CPXM2: variants seen among roughly 807,000 people sequenced by gnomAD.
CPXM2 encodes the protein inactive carboxypeptidase-like protein X2.
In CPXM2, 66 loss-of-function variants were observed where a neutral mutation model predicts 86.1. The observed-to-expected ratio is 0.77, with a 90% CI of 0.63 to 0.94. CPXM2 has a LOEUF of 0.94. Ranked by LOEUF, CPXM2 falls within the 40% of genes least tolerant of loss-of-function variation. The pLI is 0.00. For missense variants in CPXM2, 948 were observed against 1,026.3 expected (o/e 0.92, Z 1.04); for synonymous variants, 388 against 400.2 (o/e 0.97, Z 0.36).
At chr10:123,823,546 A>G (rs1020130944) in intron 4 of CPXM2, among the ~76,000 whole-genome samples, 1 of 152,216 alleles carries the variant, frequency 6.6e-6, no homozygotes, top group African/African-American at 2.4e-5. Flanking sequence ...CCTGGCTTGT[A>G]AACAACAATT....
intron 2 of CPXM2, among the ~76,000 whole-genome samples, chr10:123,918,443 GAA>G (rs1175286076): frequency 1.3e-5 from 2 of 152,136 alleles, no homozygotes; most frequent in Non-Finnish European, 2.9e-5. Context: ...ACAGAGTAGG[GAA>G]AGAAATAAAA....
chr10:123,857,211 A>C (rs914106353), intron 3 of CPXM2, among the ~76,000 whole-genome samples: 1 of 152,126 alleles, frequency 6.6e-6, no homozygotes, highest in Non-Finnish European at 1.5e-5. Flanking sequence ...AGTTAACAAA[A>C]GTAAAATTCT....
intron 2 of CPXM2, among the ~76,000 whole-genome samples, chr10:123,906,057 C>T (rs1159569368): frequency 2.6e-5 from 4 of 152,188 alleles, no homozygotes; most frequent in African/African-American, 9.6e-5. Context: ...TGGCCCGCAC[C>T]TTTGCTCTCA....
Position 123,865,937 on chromosome 10 carries a change from C to A in CPXM2, c.404-3214G>T, listed in dbSNP as rs1370895869. 1.3e-5 allele frequency among the ~76,000 whole-genome samples: 2 copies of A among 152,038 alleles called. No homozygotes were observed. The highest frequency in any genetic ancestry group is 3.9e-4 in the East Asian group (2 of 5,188). ...TTTGTGGCCCTTTGGGACTCCTCAG[C>A]CTCTTCTCCGTTTTTCTGTACTGGG... On this transcript the variant is annotated intron_variant, in intron 2 of 13. Transcript: ENST00000241305. The surrounding 1 kb of genome is among the most constrained non-coding windows in gnomAD (Gnocchi z 4.7).
chr10:123,808,843 A>G (rs1225764641), intron 4 of CPXM2, among the ~76,000 whole-genome samples: 1 of 152,172 alleles, frequency 6.6e-6, no homozygotes, highest in Non-Finnish European at 1.5e-5. Flanking sequence ...TCCTTTAGCA[A>G]AGATTTATAT....
intron 11 of CPXM2, among the ~76,000 whole-genome samples, chr10:123,761,634 C>A (rs1420276646): frequency 1.3e-5 from 2 of 152,180 alleles, no homozygotes; most frequent in African/African-American, 4.8e-5. Flanking sequence ...TGGAGCAGAT[C>A]CCTTTGGGTC....
Position 123,880,229 on chromosome 10 carries a change from G to C in CPXM2, c.385C>G (p.Arg129Gly). The change falls in exon 2 of 14, where the codon CGT becomes GGT. Residue 129 changes from arginine to glycine, a missense_variant. By Grantham distance (125) the Arg-to-Gly change is moderately radical. Coordinates refer to ENST00000241305, the MANE Select transcript of CPXM2 (RefSeq NM_198148.3). ...ANDDHSVRVA[R>G]EDVRESCPPL... is the part of the protein sequence containing the mutation. Reference sequence around the variant, plus strand: ...CACTTACTCTCTCTGACATCTTCACGGGCCACACGGACACTGTGATCATCG... The same window carrying C: ...CACTTACTCTCTCTGACATCTTCACCGGCCACACGGACACTGTGATCATCG... 1 of 1,464,462 alleles carries C rather than the reference G, an allele frequency of 6.8e-7. No homozygotes were observed. The highest frequency in any genetic ancestry group is 1.1e-5 in the South Asian group (1 of 88,800). The allele number at this position is 1,464,462 out of a possible 1,614,324, so 90.7% of individuals were successfully genotyped here. A position where few individuals can be genotyped will look rare whatever the true frequency, so the allele number is the denominator to read the frequency against.
In CPXM2 at chr10:123,761,790, A is replaced by G. The variant is rs552055898; in HGVS notation, c.1777+82T>C. 3.6e-4 allele frequency: 492 copies of G among 1,373,830 alleles called. 3 individuals carry two copies. The African/African-American group carries it at 6.0e-3, about 17-fold the overall frequency. 85.1% of individuals were successfully genotyped at this position (1,373,830 alleles called of 1,614,324 possible). A position where few individuals can be genotyped will look rare whatever the true frequency, so the allele number is the denominator to read the frequency against. On this transcript the variant is annotated intron_variant, in intron 11 of 13. Transcript: ENST00000241305. Reference sequence around the variant, plus strand: ...CACCACTTAGTGACAACAGGACAGTAGTGACACCAGGAGGGCCAGGAGGAG... The same window carrying G: ...CACCACTTAGTGACAACAGGACAGTGGTGACACCAGGAGGGCCAGGAGGAG...
intron 4 of CPXM2, among the ~76,000 whole-genome samples, chr10:123,807,627 C>CA (rs1847608331): frequency 6.6e-6 from 1 of 152,094 alleles, no homozygotes; most frequent in South Asian, 2.1e-4. Flanking sequence ...ACAAGTACAG[C>CA]AAGTCGTGGG....
intron 4 of CPXM2, among the ~76,000 whole-genome samples, chr10:123,809,412 T>C (rs1194286708): frequency 6.6e-6 from 1 of 152,168 alleles, no homozygotes; most frequent in African/African-American, 2.4e-5. Flanking sequence ...GGTTTTGCTG[T>C]TGCACCTCAA....
At chr10:123,904,924 T>TGTG (rs1554891390) in intron 2 of CPXM2, among the ~76,000 whole-genome samples, 5 of 130,290 alleles carry the variant, frequency 3.8e-5, no homozygotes, top group Non-Finnish European at 4.7e-5. Flanking sequence ...ACCTGCATCC[T>TGTG]AGTGAGGGAT....
chr10:123,863,430 G>A (rs541390745), intron 2 of CPXM2, among the ~76,000 whole-genome samples: 1 of 152,274 alleles, frequency 6.6e-6, no homozygotes. Flanking sequence ...CATTGAGGGG[G>A]TTTGTGCAGC....
At chr10:123,881,230 T>TCC (rs1564811045) in intron 1 of CPXM2, among the ~76,000 whole-genome samples, 8 of 66,900 alleles carry the variant, frequency 1.2e-4, no homozygotes, top group African/African-American at 4.9e-4. Flanking sequence ...GGAGCACCCT[T>TCC]CTCTTCCCTT....
intron 3 of CPXM2, among the ~76,000 whole-genome samples, chr10:123,845,798 G>T (rs533844472): frequency 6.6e-6 from 1 of 152,120 alleles, no homozygotes; most frequent in African/African-American, 2.4e-5. Context: ...ATAAAGAAAA[G>T]ATTCTAAAAG....
intron 9 of CPXM2, among the ~76,000 whole-genome samples, chr10:123,767,791 A>G (rs1232360950): frequency 2.0e-5 from 3 of 152,228 alleles, no homozygotes; most frequent in African/African-American, 7.2e-5. Flanking sequence ...ATTCTATATC[A>G]TAACTGGAAC....
chr10:123,904,355 A>G (rs1412884088), intron 2 of CPXM2, among the ~76,000 whole-genome samples: 1 of 152,132 alleles, frequency 6.6e-6, no homozygotes, highest in Non-Finnish European at 1.5e-5. Context: ...TGGGCCCTGC[A>G]GGTTCTGGCT....
intron 6 of CPXM2, among the ~76,000 whole-genome samples, chr10:123,793,354 C>CT: frequency 6.6e-6 from 1 of 150,902 alleles, no homozygotes; most frequent in Non-Finnish European, 1.5e-5. Context: ...GTCCCAGCTA[C>CT]CCGGAGGCTA....
intron 4 of CPXM2, among the ~76,000 whole-genome samples, chr10:123,830,872 CTGTGTG>C (rs34599295): frequency 9.2e-4 from 131 of 142,778 alleles, no homozygotes; most frequent in South Asian, 3.4e-3. Context: ...CTCTCTCTCT[CTGTGTG>C]TGTGTGTGTG....
At chr10:123,867,979 G>A (rs1050538733) in intron 2 of CPXM2, among the ~76,000 whole-genome samples, 4 of 152,214 alleles carry the variant, frequency 2.6e-5, no homozygotes, top group African/African-American at 9.6e-5. Context: ...CAAAGCATGC[G>A]AGCCACGTAA....
Sources: allele counts gnomAD v4.1 joint callset (sites outside exome capture counted in the v4.1 genomes callset), GRCh38; gene constraint gnomAD v4.1.1; non-coding constraint Gnocchi (gnomAD v3.1); transcripts MANE v1.5; gene names NCBI Gene and HGNC (gene_info 2026-07-23, HGNC 2026-07-21).